TMPRSS12: variants seen among roughly 807,000 people sequenced by gnomAD.
TMPRSS12 encodes transmembrane serine protease 12.
TMPRSS12 carries 25 observed loss-of-function variants against 26.0 expected under a neutral mutation model. The observed-to-expected ratio is 0.96, with a 90% CI of 0.70 to 1.34. The LOEUF (loss-of-function observed/expected upper bound fraction) is 1.34, where lower values mean the gene tolerates loss of function less well. Ranked by LOEUF, TMPRSS12 falls within the 40% of genes most tolerant of loss-of-function variation. TMPRSS12 has a pLI of 0.00. For missense variants in TMPRSS12, 441 were observed against 440.1 expected, an observed-to-expected ratio of 1.00 and a Z score of -0.02; for synonymous variants, 150 against 161.7, an observed-to-expected ratio of 0.93 and a Z score of 0.55.
intron 2 of TMPRSS12, among the ~76,000 whole-genome samples, chr12:50,855,570 G>A (rs983778744): frequency 7.9e-5 from 12 of 152,168 alleles, no homozygotes; most frequent in African/African-American, 2.9e-4. Flanking sequence ...ATTCTAGCAA[G>A]GCTATGGAGA....
At chr12:50,868,746 G>A (rs1196275771) in intron 3 of TMPRSS12, among the ~76,000 whole-genome samples, 1 of 152,088 alleles carries the variant, frequency 6.6e-6, no homozygotes, top group African/African-American at 2.4e-5. Context: ...CATCTGATAG[G>A]CCACATAATG....
chr12:50,843,612 T>G (rs1355717177), intron 1 of TMPRSS12, among the ~76,000 whole-genome samples: 2 of 152,196 alleles, frequency 1.3e-5, no homozygotes, highest in African/African-American at 4.8e-5. Context: ...GGAATAGAGT[T>G]TTAAAATTAA....
chr12:50,850,809 C>T (rs1298232549), intron 2 of TMPRSS12, among the ~76,000 whole-genome samples: 1 of 152,206 alleles, frequency 6.6e-6, no homozygotes, highest in Non-Finnish European at 1.5e-5. Context: ...TCATTGCAGC[C>T]TTGTTGCCGG....
At chr12:50,844,100 C>A in intron 2 of TMPRSS12, 63 bp downstream of exon 2, 1 of 1,388,236 alleles carries the variant, frequency 7.2e-7, no homozygotes, top group Non-Finnish European at 9.5e-7. Flanking sequence ...GATAGAGGAC[C>A]ATTTAACTTC....
intron 3 of TMPRSS12, among the ~76,000 whole-genome samples, chr12:50,868,541 A>G (rs944811757): frequency 9.2e-5 from 14 of 152,196 alleles, no homozygotes; most frequent in African/African-American, 3.4e-4. Flanking sequence ...CAGCAACACA[A>G]TAATAGTGGT....
In TMPRSS12 at chr12:50,876,898, T is replaced by C. The variant is rs114289584; in HGVS notation, c.653-8348T>C. On this transcript the variant is annotated intron_variant, in intron 3 of 4. Coordinates refer to ENST00000398458, the MANE Select transcript of TMPRSS12 (RefSeq NM_182559.3). ...CCATAAAAAAACAGAATCATGTCCT[T>C]TGCAGCAGCATGAATGGAGTTGGAG... is the stretch of plus-strand genomic sequence containing the variant. Among the ~76,000 whole-genome samples the C allele has an allele frequency of 2.4e-3, 369 of 151,992 alleles. 1 individual carries two copies. Among genetic ancestry groups the C allele is most frequent in the African/African-American group, 8.3e-3 (344 of 41,468 alleles).
At chr12:50,861,504 T>G (rs996051640) in intron 3 of TMPRSS12, among the ~76,000 whole-genome samples, 2 of 151,712 alleles carry the variant, frequency 1.3e-5, no homozygotes, top group African/African-American at 2.4e-5. Context: ...CCCAGCCTGC[T>G]GCTCTGTGCT....
chr12:50,883,900 G>A (rs1156267667), intron 3 of TMPRSS12, among the ~76,000 whole-genome samples: 1 of 152,138 alleles, frequency 6.6e-6, no homozygotes, highest in Non-Finnish European at 1.5e-5. Context: ...CACTCGGGAG[G>A]TTGAGGTGGG....
At position 50,887,406 on chromosome 12, in the gene TMPRSS12, ACAGAGCATTTC is replaced by A; in HGVS notation, c.941_951del (p.Thr314IlefsTer36). The A allele has an allele frequency of 1.2e-6, 2 of 1,613,954 alleles. No homozygotes were observed. Among genetic ancestry groups the A allele is most frequent in the Non-Finnish European group, 8.5e-7 (1 of 1,179,862 alleles). ...GCCATCCTTCTACCAAAAGTGGCTG[ACAGAGCATTTC>A]TTCCATGCAAGCACTCAAGGCATAC... is the stretch of plus-strand genomic sequence containing the variant. On this transcript the variant is annotated frameshift_variant, in exon 5 of 5. Transcript: ENST00000398458. LOFTEE classifies it low-confidence loss of function (END_TRUNC).
intron 2 of TMPRSS12, among the ~76,000 whole-genome samples, chr12:50,853,581 CAAAA>C (rs34657217): frequency 1.8e-4 from 18 of 102,380 alleles, no homozygotes; most frequent in African/African-American, 5.1e-4. Flanking sequence ...GCTAGACTAA[CAAAA>C]AAAAAAAAAA....
intron 3 of TMPRSS12, among the ~76,000 whole-genome samples, chr12:50,866,650 C>A (rs1420867622): frequency 6.6e-6 from 1 of 152,068 alleles, no homozygotes; most frequent in South Asian, 2.1e-4. Context: ...CTGGAAAGCA[C>A]CACCTCCCAG....
chr12:50,845,073 A>C (rs1937755358), intron 2 of TMPRSS12, among the ~76,000 whole-genome samples: 1 of 152,190 alleles, frequency 6.6e-6, no homozygotes, highest in African/African-American at 2.4e-5. Context: ...ACTGTATGAA[A>C]ACAAGAGACA....
chr12:50,878,684 G>A (rs1289513122), intron 3 of TMPRSS12, among the ~76,000 whole-genome samples: 2 of 152,182 alleles, frequency 1.3e-5, no homozygotes, highest in Non-Finnish European at 2.9e-5. Flanking sequence ...TCACAACAGT[G>A]CCAAGGCAAT....
intron 3 of TMPRSS12, among the ~76,000 whole-genome samples, chr12:50,879,585 T>C (rs530065399): frequency 5.3e-5 from 8 of 152,168 alleles, no homozygotes; most frequent in Non-Finnish European, 1.0e-4. Flanking sequence ...AAGCAAAATA[T>C]ATGGTTTATT....
At chr12:50,844,359 C>A (rs1937748078) in intron 2 of TMPRSS12, among the ~76,000 whole-genome samples, 1 of 151,030 alleles carries the variant, frequency 6.6e-6, no homozygotes, top group African/African-American at 2.4e-5. Context: ...GCCCCCTACC[C>A]AGGAATCCTT....
chr12:50,855,424 A>C (rs12809767), intron 2 of TMPRSS12, among the ~76,000 whole-genome samples: 36,461 of 152,142 alleles, frequency 0.24, 5,450 homozygotes, highest in Non-Finnish European at 0.34. Context: ...TTCTCAAAAG[A>C]CATACATATG....
At chr12:50,847,909 A>G (rs1032450857) in intron 2 of TMPRSS12, 1 of 151,572 alleles carries the variant, frequency 6.6e-6, no homozygotes, top group African/African-American at 2.4e-5. Flanking sequence ...AAATATATAT[A>G]TATATATACA....
intron 2 of TMPRSS12, among the ~76,000 whole-genome samples, chr12:50,854,299 A>G (rs1937855599): frequency 6.6e-6 from 1 of 152,182 alleles, no homozygotes; most frequent in Admixed American, 6.5e-5. Context: ...CTGGGCATTA[A>G]AGGAACATAC....
At chr12:50,883,367 G>T (rs1489468689) in intron 3 of TMPRSS12, among the ~76,000 whole-genome samples, 1 of 152,140 alleles carries the variant, frequency 6.6e-6, no homozygotes, top group Non-Finnish European at 1.5e-5. Context: ...AACCAAATTA[G>T]GTTTATCTCA....
Sources: gnomAD v4.1 joint callset for allele counts (sites outside exome capture counted in the v4.1 genomes callset) on GRCh38, gnomAD v4.1.1 for gene constraint, MANE v1.5 for transcripts, NCBI Gene and HGNC (gene_info 2026-07-23, HGNC 2026-07-21) for gene names.